GRID2: variants seen among roughly 807,000 people sequenced by gnomAD.
GRID2 encodes the protein glutamate ionotropic receptor delta type subunit 2, also known as glutamate receptor ionotropic, delta-2.
A neutral mutation model predicts 114.8 loss-of-function variants in GRID2; 33 were observed. The observed-to-expected ratio is 0.29, with a 90% confidence interval of 0.22 to 0.38. The LOEUF is 0.38. Ranked by LOEUF, GRID2 falls within the 10% of genes least tolerant of loss-of-function variation. The pLI, the probability that GRID2 is intolerant of heterozygous loss-of-function variation, is 1.00. For synonymous variants in GRID2, 505 were observed against 449.9 expected (o/e 1.12, Z -1.55); for missense variants, 1,184 against 1,257.7 (o/e 0.94, Z 0.89).
At chr4:92,772,437 G>C (rs981406389) in intron 2 of GRID2, among the ~76,000 whole-genome samples, 2 of 151,992 alleles carry the variant, frequency 1.3e-5, no homozygotes, top group Non-Finnish European at 2.9e-5. Context: ...TCAATAGTGA[G>C]ACTTTTACCT....
rs188000099 is a variant in GRID2 at position 92,544,175 on chromosome 4, T to A, written c.89-45956T>A. 3.9e-5 allele frequency among the ~76,000 whole-genome samples: 6 copies of A among 152,302 alleles called. No individual in the cohort carries two copies. The East Asian group carries it at 1.2e-3, about 29-fold the overall frequency. On this transcript the variant is annotated intron_variant, in intron 1 of 15. Coordinates refer to ENST00000282020, the MANE Select transcript of GRID2 (RefSeq NM_001510.4). The stretch of plus-strand genomic sequence containing the variant: ...TCAACAAAATGTTGCCCTGTAATTA[T>A]CTGAGCTGAGACCCCTGACTGTTTG...
At chr4:93,307,598 A>G (rs1377827356) in intron 8 of GRID2, among the ~76,000 whole-genome samples, 3 of 152,160 alleles carry the variant, frequency 2.0e-5, no homozygotes, top group African/African-American at 4.8e-5. Context: ...GTACCTCCAG[A>G]TATTAACCTG....
intron 2 of GRID2, among the ~76,000 whole-genome samples, chr4:92,823,399 T>A (rs996378697): frequency 6.6e-6 from 1 of 152,166 alleles, no homozygotes; most frequent in Non-Finnish European, 1.5e-5. Flanking sequence ...ATTTGCTAAA[T>A]TTGTTAAAGG....
At chr4:93,564,308 T>C (rs1183192367) in intron 13 of GRID2, among the ~76,000 whole-genome samples, 3 of 152,004 alleles carry the variant, frequency 2.0e-5, no homozygotes, top group African/African-American at 7.2e-5. Flanking sequence ...TTTATTTATT[T>C]ATTTATTTAT....
intron 2 of GRID2, among the ~76,000 whole-genome samples, chr4:92,983,172 T>A (rs748549908): frequency 6.6e-6 from 1 of 152,060 alleles, no homozygotes; most frequent in Admixed American, 6.6e-5. Flanking sequence ...ACAACAATAT[T>A]GATATATAAC....
At chr4:93,782,257 C>T (rs1182948105) in intron 1 of GRID2, among the ~76,000 whole-genome samples, 1 of 152,160 alleles carries the variant, frequency 6.6e-6, no homozygotes, top group Admixed American at 6.5e-5. Context: ...AGCAGACAGA[C>T]ATACCTGAAT....
At chr4:93,099,527 A>ATGC (rs1245513184) in intron 3 of GRID2, among the ~76,000 whole-genome samples, 3 of 151,888 alleles carry the variant, frequency 2.0e-5, no homozygotes, top group African/African-American at 7.2e-5. Context: ...GTATTGACAA[A>ATGC]ATATCTTAGC....
At chr4:92,415,888 T>C (rs1030433526) in intron 1 of GRID2, among the ~76,000 whole-genome samples, 45 of 151,212 alleles carry the variant, frequency 3.0e-4, no homozygotes, top group African/African-American at 1.0e-3. Context: ...GTCTTTTTCA[T>C]ATAGTGACTT....
At chr4:93,370,374 GACATACACACACACAA>G (rs1179325468) in intron 8 of GRID2, among the ~76,000 whole-genome samples, 4 of 149,522 alleles carry the variant, frequency 2.7e-5, no homozygotes, top group Non-Finnish European at 4.5e-5. Flanking sequence ...TACACACACA[GACATACACACACACAA>G]ACACACACAA....
At chr4:93,186,672 G>T (rs1740455924) in intron 4 of GRID2, among the ~76,000 whole-genome samples, 1 of 151,492 alleles carries the variant, frequency 6.6e-6, no homozygotes, top group South Asian at 2.1e-4. Flanking sequence ...GTTTTTTCTT[G>T]ATTTCCTAGA....
At chr4:92,326,868 T>G (rs1315149379) in intron 1 of GRID2, among the ~76,000 whole-genome samples, 1 of 151,948 alleles carries the variant, frequency 6.6e-6, no homozygotes, top group Non-Finnish European at 1.5e-5. Flanking sequence ...TCAAGAACAG[T>G]TTTCACTGGG....
chr4:92,456,003 G>A (rs1053040165), intron 1 of GRID2, among the ~76,000 whole-genome samples: 2 of 152,182 alleles, frequency 1.3e-5, no homozygotes, highest in Admixed American at 6.6e-5. Flanking sequence ...ATTTGGAAAC[G>A]GGTTATATCA....
At chr4:92,952,546 G>A (rs1024396300) in intron 2 of GRID2, among the ~76,000 whole-genome samples, 2 of 152,076 alleles carry the variant, frequency 1.3e-5, no homozygotes, top group Middle Eastern at 3.2e-3. Flanking sequence ...CTACACAAAA[G>A]GTTCATAGTC....
chr4:93,524,849 A>G (rs1429371492), intron 13 of GRID2, among the ~76,000 whole-genome samples: 3 of 122,474 alleles, frequency 2.4e-5, no homozygotes, highest in Non-Finnish European at 3.4e-5. Context: ...ATATATATAT[A>G]TGTATACAAA....
intron 8 of GRID2, among the ~76,000 whole-genome samples, chr4:93,280,963 C>T (rs894553521): frequency 3.7e-4 from 56 of 151,844 alleles, no homozygotes; most frequent in Non-Finnish European, 2.4e-4. Context: ...ACAAAAATCC[C>T]TACCCTGGGG....
At chr4:93,478,801 TATC>T (rs1348116602) in intron 11 of GRID2, among the ~76,000 whole-genome samples, 2 of 152,086 alleles carry the variant, frequency 1.3e-5, no homozygotes, top group African/African-American at 2.4e-5. Flanking sequence ...GCTTTACAAG[TATC>T]ATAATGCCTA....
At chr4:93,595,608 C>G (rs1039779693) in intron 13 of GRID2, among the ~76,000 whole-genome samples, 1 of 152,208 alleles carries the variant, frequency 6.6e-6, no homozygotes, top group Non-Finnish European at 1.5e-5. Flanking sequence ...AATTTCTCTA[C>G]CATTGTCACT....
intron 13 of GRID2, among the ~76,000 whole-genome samples, chr4:93,614,081 G>GC (rs766752723): frequency 6.6e-6 from 1 of 152,078 alleles, no homozygotes; most frequent in African/African-American, 2.4e-5. Context: ...TTTTCCAGGT[G>GC]CGTCCGTCAC....
chr4:92,677,946 T>G (rs1295491919), intron 2 of GRID2, among the ~76,000 whole-genome samples: 1 of 152,090 alleles, frequency 6.6e-6, no homozygotes, highest in Non-Finnish European at 1.5e-5. Flanking sequence ...CTTTCTACTT[T>G]TAATGAAATC....
Sources: gnomAD v4.1 joint callset for allele counts (sites outside exome capture counted in the v4.1 genomes callset) on GRCh38, gnomAD v4.1.1 for gene constraint, MANE v1.5 for transcripts, NCBI Gene and HGNC (gene_info 2026-07-23, HGNC 2026-07-21) for gene names.